ATP2B2: variants seen among roughly 807,000 people sequenced by gnomAD.
The protein encoded by ATP2B2 is plasma membrane calcium-transporting ATPase 2.
A neutral mutation model predicts 120.0 loss-of-function variants in ATP2B2; 15 were observed. That is an observed-to-expected ratio of 0.12 (90% CI 0.08 to 0.19). The LOEUF (loss-of-function observed/expected upper bound fraction) is 0.19. ATP2B2 is among the 10% of genes least tolerant of loss of function. The pLI is 1.00. For missense variants in ATP2B2, 1,045 were observed against 1,719.8 expected, an observed-to-expected ratio of 0.61 and a Z score of 6.94; for synonymous variants, 694 against 700.3, an observed-to-expected ratio of 0.99 and a Z score of 0.14.
chr3:10,336,571 G>T lies in ATP2B2; in HGVS notation c.3420+1605C>A, dbSNP rs534340938. On this transcript the variant is annotated intron_variant, in intron 22 of 22. Coordinates refer to ENST00000360273, the MANE Select transcript of ATP2B2 (RefSeq NM_001001331.4). ...CTCAGGGGCCAGTGGGCTGGCCAGT[G>T]GGGGAGGCAGTGATTAAACATGGTA... 1.2e-4 allele frequency among the ~76,000 whole-genome samples: 19 copies of T among 152,286 alleles called. No individual in the cohort carries two copies. The East Asian group carries it at 3.7e-3, about 29-fold the overall frequency.
chr3:10,569,747 C>T (rs931445258), intron 2 of ATP2B2, among the ~76,000 whole-genome samples: 7 of 152,004 alleles, frequency 4.6e-5, no homozygotes, highest in South Asian at 2.1e-4. Context: ...AGGCAAGTCC[C>T]GAAGTGAAGG....
At chr3:10,592,864 C>T (rs2068676373) in intron 2 of ATP2B2, among the ~76,000 whole-genome samples, 1 of 152,220 alleles carries the variant, frequency 6.6e-6, no homozygotes, top group Non-Finnish European at 1.5e-5. Flanking sequence ...CTCACTGCAG[C>T]CTCGACCTCC....
chr3:10,548,215 G>A (rs888531780), intron 2 of ATP2B2, among the ~76,000 whole-genome samples: 2 of 152,232 alleles, frequency 1.3e-5, no homozygotes. Context: ...GGCTTAATCT[G>A]TGCCAAAGAC....
At chr3:10,449,986 CT>C (rs1246118761) in intron 1 of ATP2B2, 124 bp from the exon 2 acceptor site, 5 of 301,098 alleles carry the variant, frequency 1.7e-5, no homozygotes, top group East Asian at 1.7e-4. Context: ...CCCATGCCCC[CT>C]AACACACCAG....
intron 2 of ATP2B2, among the ~76,000 whole-genome samples, chr3:10,611,312 A>AGCAGG (rs1296447463): frequency 8.5e-5 from 13 of 152,140 alleles, no homozygotes; most frequent in African/African-American, 3.1e-4. Flanking sequence ...GAGGGCTATG[A>AGCAGG]GCAGGGGCAC....
intron 3 of ATP2B2, among the ~76,000 whole-genome samples, chr3:10,403,246 C>T (rs1462490008): frequency 2.6e-5 from 4 of 152,210 alleles, no homozygotes; most frequent in Non-Finnish European, 2.9e-5. Context: ...CCTTGTCAGA[C>T]GTCAGCTGAG....
At position 10,340,743 on chromosome 3, in the gene ATP2B2, G is replaced by T; in HGVS notation, c.2918-39C>A. 1.9e-6 allele frequency: 3 copies of T among 1,608,774 alleles called. No homozygotes were observed. Among genetic ancestry groups the T allele is most frequent in the Non-Finnish European group, 2.6e-6 (3 of 1,175,354 alleles). On this transcript the variant is annotated intron_variant, in intron 19 of 22. Transcript: ENST00000360273. The surrounding 1 kb of genome is among the most constrained non-coding windows in gnomAD (Gnocchi z 5.0). Reference sequence around the variant, plus strand: ...GAGTGGGGCTGGGCTGAAGGCAGTGGTGGGGGAATCAGAGGGGAGATGCCT... The same window carrying T: ...GAGTGGGGCTGGGCTGAAGGCAGTGTTGGGGGAATCAGAGGGGAGATGCCT...
chr3:10,670,113 G>A (rs1222584921), intron 1 of ATP2B2, among the ~76,000 whole-genome samples: 1 of 152,164 alleles, frequency 6.6e-6, no homozygotes, highest in Non-Finnish European at 1.5e-5. Context: ...TGATGCAGTT[G>A]CTTAAAATAA....
At position 10,325,204 on chromosome 3, in the gene ATP2B2, T is replaced by C. The variant is rs917325676; in HGVS notation, c.*3610A>G. On this transcript the variant is annotated 3_prime_UTR_variant, in exon 23 of 23. Transcript: ENST00000360273. ...CACAGGGAATGACAGAGCCCAGAAT[T>C]TGGGGGTGGGAATGGGACAGGGGGT... is the stretch of plus-strand genomic sequence containing the variant. The C allele has an allele frequency of 6.6e-6, 1 of 151,458 alleles. No individual in the cohort carries two copies. The highest frequency in any genetic ancestry group is 1.5e-5 in the Non-Finnish European group (1 of 67,880). The allele number at this position is 151,458 out of a possible 1,614,324, so 9.4% of individuals were successfully genotyped here. A position where few individuals can be genotyped will look rare whatever the true frequency, so the allele number is the denominator to read the frequency against.
chr3:10,375,322 T>C lies in ATP2B2; in HGVS notation c.1416+108A>G. ...TTCTTCCAAGCTCCTAGGGGGTCTA[T>C]GGGGCTTCTTCGTTCATCTCCCAAC... On this transcript the variant is annotated intron_variant, in intron 11 of 22. Transcript: ENST00000360273. This position sits in a 1 kb window ranked among gnomAD's most constrained non-coding sequence, Gnocchi z 4.2. The C allele has an allele frequency of 1.1e-6, 1 of 946,828 alleles. No individual in the cohort carries two copies. Among genetic ancestry groups the C allele is most frequent in the Non-Finnish European group, 1.7e-6 (1 of 600,268 alleles). The allele number at this position is 946,828 out of a possible 1,614,324, so 58.7% of individuals were successfully genotyped here.
At chr3:10,486,287 A>G (rs1407283173) in intron 1 of ATP2B2, among the ~76,000 whole-genome samples, 1 of 151,462 alleles carries the variant, frequency 6.6e-6, no homozygotes, top group Non-Finnish European at 1.5e-5. Context: ...TGAGATGACA[A>G]TCTGTTTTTC....
intron 1 of ATP2B2, among the ~76,000 whole-genome samples, chr3:10,455,897 A>T (rs1269783484): frequency 1.3e-5 from 2 of 152,260 alleles, no homozygotes; most frequent in Non-Finnish European, 2.9e-5. Context: ...TGCTCTCTGG[A>T]GTCCCTTCAG....
chr3:10,397,846 T>C (rs2062090833), intron 5 of ATP2B2, among the ~76,000 whole-genome samples: 1 of 152,170 alleles, frequency 6.6e-6, no homozygotes, highest in South Asian at 2.1e-4. Flanking sequence ...ACTCACTCTC[T>C]TACAGGCAGC....
At chr3:10,625,159 C>T (rs2069660724) in intron 1 of ATP2B2, among the ~76,000 whole-genome samples, 1 of 152,234 alleles carries the variant, frequency 6.6e-6, no homozygotes, top group South Asian at 2.1e-4. Context: ...TACACAAGGT[C>T]TCTGGCTGCA....
chr3:10,492,884 C>G (rs1215724305), intron 1 of ATP2B2, among the ~76,000 whole-genome samples: 1 of 152,214 alleles, frequency 6.6e-6, no homozygotes, highest in African/African-American at 2.4e-5. Context: ...CCGAGGCTGC[C>G]ACCCAGGATG....
intron 2 of ATP2B2, among the ~76,000 whole-genome samples, chr3:10,445,443 A>C (rs184365714): frequency 2.0e-5 from 3 of 152,372 alleles, no homozygotes; most frequent in Non-Finnish European, 4.4e-5. Context: ...ATGGAACAGA[A>C]CCAACAGTGG....
rs545112506 is a variant in ATP2B2 at position 10,599,324 on chromosome 3, C to T, written c.-415+20593G>A. Among the ~76,000 whole-genome samples, 5 of 152,304 alleles carry T rather than the reference C, an allele frequency of 3.3e-5. No individual in the cohort carries two copies. The South Asian group carries it at 8.3e-4, about 25-fold the overall frequency. ...CGCCATTGGTTCCCAGAATTGGCCT[C>T]GCCCTCCTGAGCACTCCACCTTTGG... On this transcript the variant is annotated intron_variant, in intron 2 of 21. Transcript: ENST00000646379.
At chr3:10,525,033 G>T (rs1287897048) in intron 3 of ATP2B2, among the ~76,000 whole-genome samples, 1 of 152,206 alleles carries the variant, frequency 6.6e-6, no homozygotes, top group East Asian at 1.9e-4. Flanking sequence ...CCTGCTCTCA[G>T]AACAGGAGCT....
At chr3:10,392,787 C>T (rs189722243) in intron 5 of ATP2B2, among the ~76,000 whole-genome samples, 75 of 152,384 alleles carry the variant, frequency 4.9e-4, no homozygotes, top group Non-Finnish European at 9.3e-4. Flanking sequence ...GGGCCAGCCC[C>T]TCTCCTCTCT....
Sources: gnomAD v4.1 joint callset for allele counts (sites outside exome capture counted in the v4.1 genomes callset) on GRCh38, gnomAD v4.1.1 for gene constraint, Gnocchi (gnomAD v3.1) non-coding constraint, MANE v1.5 for transcripts, NCBI Gene and HGNC (gene_info 2026-07-23, HGNC 2026-07-21) for gene names.